Variants in GDAP1L1 observed in about 807,000 individuals in gnomAD.
GDAP1L1 encodes ganglioside induced differentiation associated protein 1 like 1, also known as ganglioside-induced differentiation-associated protein 1-like 1.
GDAP1L1 carries 21 observed loss-of-function variants against 37.1 expected under a neutral mutation model. The ratio of observed to expected loss-of-function variants is 0.57; its 90% CI spans 0.40 to 0.81. The LOEUF (loss-of-function observed/expected upper bound fraction) is 0.81. Among genes scored for constraint, GDAP1L1 ranks in the 40% least tolerant of loss-of-function variants. The pLI, the probability that GDAP1L1 is intolerant of heterozygous loss-of-function variation, is 0.00. For synonymous variants in GDAP1L1, 193 were observed against 209.1 expected, an observed-to-expected ratio of 0.92 and a Z score of 0.67; for missense variants, 362 against 491.6, an observed-to-expected ratio of 0.74 and a Z score of 2.49.
chr20:44,261,048 G>A (rs1448816843), intron 3 of GDAP1L1, among the ~76,000 whole-genome samples: 1 of 152,188 alleles, frequency 6.6e-6, no homozygotes, highest in East Asian at 1.9e-4. Context: ...ATTTGAAGGT[G>A]CCTAGAAGGC....
In GDAP1L1 at chr20:44,280,209, C is replaced by T. The variant is rs572826836; in HGVS notation, c.*909C>T. ...CTCCCGGGGCTGTCCCTGTACTACACGGTGCCATGGAGCCGGGGAGAGCGG... is the reference window on the plus strand; with the variant it reads ...CTCCCGGGGCTGTCCCTGTACTACATGGTGCCATGGAGCCGGGGAGAGCGG... On this transcript the variant is annotated 3_prime_UTR_variant, in exon 6 of 6. Coordinates refer to ENST00000342560, the MANE Select transcript of GDAP1L1 (RefSeq NM_024034.6). 145 of 186,072 alleles carry T rather than the reference C, an allele frequency of 7.8e-4. 1 individual carries two copies. Among genetic ancestry groups the T allele is most frequent in the African/African-American group, 2.9e-3 (122 of 42,428 alleles). 11.5% of individuals were successfully genotyped at this position (186,072 alleles called of 1,614,324 possible). A position where few individuals can be genotyped will look rare whatever the true frequency, so the allele number is the denominator to read the frequency against.
At chr20:44,247,145 A>AG (rs2073343941), upstream of GDAP1L1, 3 of 623,416 alleles carry the variant, frequency 4.8e-6, no homozygotes, top group Non-Finnish European at 8.4e-6. Context: ...GGCGCGGGCC[A>AG]GGGGGAGGAG....
rs2062556924 is a variant in GDAP1L1, at chr20:44,274,883, CTT to C, written c.761-4072_761-4071del. The stretch of plus-strand genomic sequence containing the variant: ...CCCTCGGGGGCCCATCAGGTGTCTT[CTT>C]TGTTTGTTTGTTTGTTTGTTAGTTT... On this transcript the variant is annotated intron_variant, in intron 5 of 5. Coordinates refer to ENST00000342560, the MANE Select transcript of GDAP1L1 (RefSeq NM_024034.6). Among the ~76,000 whole-genome samples, 2 of 151,996 alleles carry C rather than the reference CTT, an allele frequency of 1.3e-5. 1 individual carries two copies. Among genetic ancestry groups the C allele is most frequent in the Non-Finnish European group, 2.9e-5 (2 of 68,010 alleles).
rs879560133 is a variant in GDAP1L1, at chr20:44,257,002, C to A, written c.181-151C>A. On this transcript the variant is annotated intron_variant, in intron 1 of 5. Coordinates refer to ENST00000342560, the MANE Select transcript of GDAP1L1 (RefSeq NM_024034.6). ...GCACATGCCCCTGGGAGATATCCCC[C>A]CAAACCCAGGTGCCCAAGAATGGGC... The A allele has an allele frequency of 6.1e-6, 5 of 816,066 alleles. No homozygotes were observed. In the Admixed American group the frequency reaches 8.7e-5, roughly 14 times the overall value. The allele number at this position is 816,066 out of a possible 1,614,324, so 50.6% of individuals were successfully genotyped here. A position where few individuals can be genotyped will look rare whatever the true frequency, so the allele number is the denominator to read the frequency against.
At chr20:44,275,131 G>A (rs1447211235) in intron 5 of GDAP1L1, among the ~76,000 whole-genome samples, 1 of 152,160 alleles carries the variant, frequency 6.6e-6, no homozygotes, top group Non-Finnish European at 1.5e-5. Context: ...CTGTGCTCAA[G>A]CAATCCTCCT....
rs1439105332 is a variant in GDAP1L1 at position 44,267,679 on chromosome 20, G to A, written c.760+3120G>A. 3.9e-5 allele frequency among the ~76,000 whole-genome samples: 6 copies of A among 152,012 alleles called. No individual in the cohort carries two copies. The East Asian group carries it at 9.6e-4, about 24-fold the overall frequency. ...GCCTACGTCCCAGGGCTGCTGCGAG[G>A]ATCAATGAGCAAATGCATGTAAGGG... On this transcript the variant is annotated intron_variant, in intron 5 of 5. Transcript: ENST00000342560.
chr20:44,264,704 T>C, intron 5 of GDAP1L1, 145 bp downstream of exon 5: 2 of 1,470,314 alleles, frequency 1.4e-6, no homozygotes, highest in East Asian at 2.8e-5. Flanking sequence ...AGACTAAGGT[T>C]CAAGTCATAA....
intron 3 of GDAP1L1, 29 bp downstream of exon 3, chr20:44,258,636 T>G: frequency 6.5e-7 from 1 of 1,530,698 alleles, no homozygotes; most frequent in Non-Finnish European, 8.9e-7. Flanking sequence ...AGACAGCCCC[T>G]CTGCTTTCCC....
rs559015931 is a variant in GDAP1L1, at chr20:44,266,127, G to A, written c.760+1568G>A. 2.0e-5 allele frequency among the ~76,000 whole-genome samples: 3 copies of A among 152,220 alleles called. No homozygotes were observed. In the East Asian group the frequency reaches 5.8e-4, roughly 29 times the overall value. On this transcript the variant is annotated intron_variant, in intron 5 of 5. Transcript: ENST00000342560. ...AGTTCGAGACCAGCCTAACAACATG[G>A]CAAAACCCTGTCTCTACTAAAAATA...
rs2073704448 is a variant in GDAP1L1 at position 44,263,258 on chromosome 20, C to T, written c.576C>T (p.Leu192=). ...RRHLANATTD[L]MKLDHEEEPQ... Reference sequence around the variant, plus strand: ...ATTTAGCCAATGCCACCACGGACCTCATGAAACTGGACCATGAAGAGGAGC... The same window carrying T: ...ATTTAGCCAATGCCACCACGGACCTTATGAAACTGGACCATGAAGAGGAGC... Residue 192 remains leucine, a synonymous_variant, in exon 4 of 6, where the codon CTC becomes CTT. Coordinates refer to ENST00000342560, the MANE Select transcript of GDAP1L1 (RefSeq NM_024034.6). The T allele has an allele frequency of 6.2e-7, 1 of 1,614,118 alleles. No individual in the cohort carries two copies.
chr20:44,247,205 G>A (rs2073344758), upstream of GDAP1L1: 2 of 909,428 alleles, frequency 2.2e-6, no homozygotes, highest in South Asian at 3.1e-5. Context: ...ACTGCCCGGT[G>A]AGTAATGACA....
At chr20:44,278,891 T>C in intron 5 of GDAP1L1, 66 bp from the exon 6 acceptor site, 1 of 1,019,518 alleles carries the variant, frequency 9.8e-7, no homozygotes. Flanking sequence ...GTGGAGCTCA[T>C]GGAGAGAAGC....
At chr20:44,265,130 G>T in intron 5 of GDAP1L1, 3 of 985,274 alleles carry the variant, frequency 3.0e-6, no homozygotes, top group South Asian at 9.4e-5. Context: ...CACTTGCCCT[G>T]CCCAAGAATG....
At chr20:44,270,882 G>T (rs1262165703) in intron 5 of GDAP1L1, among the ~76,000 whole-genome samples, 1 of 152,218 alleles carries the variant, frequency 6.6e-6, no homozygotes, top group East Asian at 1.9e-4. Context: ...TAGAAGTCAT[G>T]AAATACAGCT....
rs556470649 is a variant in GDAP1L1 at position 44,279,627 on chromosome 20, T to A, written c.*327T>A. On this transcript the variant is annotated 3_prime_UTR_variant, in exon 6 of 6. Coordinates refer to ENST00000342560, the MANE Select transcript of GDAP1L1 (RefSeq NM_024034.6). Reference sequence around the variant, plus strand: ...GAGACTGGTTAGGATCTGAGGTGAGTCCCAGGATGTTTCGTCCACCAGGGC... The same window carrying A: ...GAGACTGGTTAGGATCTGAGGTGAGACCCAGGATGTTTCGTCCACCAGGGC... The A allele has an allele frequency of 7.5e-5, 37 of 495,008 alleles. No homozygotes were observed. The highest frequency in any genetic ancestry group is 5.7e-4 in the South Asian group (37 of 64,784). The allele number at this position is 495,008 out of a possible 1,614,324, so 30.7% of individuals were successfully genotyped here. A position where few individuals can be genotyped will look rare whatever the true frequency, so the allele number is the denominator to read the frequency against.
At chr20:44,257,784 T>TA (rs1396473755) in intron 2 of GDAP1L1, among the ~76,000 whole-genome samples, 1 of 151,926 alleles carries the variant, frequency 6.6e-6, no homozygotes, top group African/African-American at 2.4e-5. Context: ...ATAGATTCCC[T>TA]AGGACCCCAT....
intron 5 of GDAP1L1, among the ~76,000 whole-genome samples, chr20:44,270,243 T>G (rs975282396): frequency 3.6e-5 from 5 of 139,686 alleles, no homozygotes; most frequent in African/African-American, 1.3e-4. Flanking sequence ...GGATCTCGGC[T>G]CACTGCAAGC....
intron 3 of GDAP1L1, 140 bp downstream of exon 3, chr20:44,258,747 T>C (rs1393839412): frequency 3.1e-6 from 2 of 649,898 alleles, no homozygotes; most frequent in Non-Finnish European, 5.3e-6. Context: ...ATTCTCCATT[T>C]GTCCCCGCCT....
In GDAP1L1 at chr20:44,279,907, C is replaced by T. The variant is rs1291240414; in HGVS notation, c.*607C>T. The T allele has an allele frequency of 9.9e-6, 4 of 403,656 alleles. No homozygotes were observed. The highest frequency in any genetic ancestry group is 5.5e-5 in the South Asian group (3 of 54,118). The allele number at this position is 403,656 out of a possible 1,614,324, so 25.0% of individuals were successfully genotyped here. A position where few individuals can be genotyped will look rare whatever the true frequency, so the allele number is the denominator to read the frequency against. On this transcript the variant is annotated 3_prime_UTR_variant, in exon 6 of 6. Transcript: ENST00000342560. The stretch of plus-strand genomic sequence containing the variant: ...CCCAAAAACCAGGCTGCAGTGGGGA[C>T]GGATACCATGAGCACACCCTCTCAT...
Sources: gnomAD v4.1 joint callset for allele counts (sites outside exome capture counted in the v4.1 genomes callset) on GRCh38, gnomAD v4.1.1 for gene constraint, MANE v1.5 for transcripts, NCBI Gene and HGNC (gene_info 2026-07-23, HGNC 2026-07-21) for gene names.